LRRC1: variants seen among roughly 807,000 people sequenced by gnomAD.
LRRC1 encodes leucine rich repeat containing 1, also known as leucine-rich repeat-containing protein 1.
A neutral mutation model predicts 69.9 loss-of-function variants in LRRC1; 28 were observed. The observed-to-expected ratio is 0.40, with a 90% confidence interval of 0.30 to 0.55. The LOEUF (loss-of-function observed/expected upper bound fraction) is 0.55, where lower values mean the gene tolerates loss of function less well. Among genes scored for constraint, LRRC1 ranks in the 20% least tolerant of loss-of-function variants. LRRC1 has a pLI of 0.47. For missense variants in LRRC1, 498 were observed against 609.0 expected (o/e 0.82, Z 1.92); for synonymous variants, 236 against 240.2 (o/e 0.98, Z 0.16).
chr6:53,868,377 A>C (rs1339353516), intron 2 of LRRC1, among the ~76,000 whole-genome samples: 1 of 152,048 alleles, frequency 6.6e-6, no homozygotes. Context: ...GGCATGCACC[A>C]CGATGCCCAG....
chr6:53,892,265 A>C (rs1162497423), intron 4 of LRRC1, among the ~76,000 whole-genome samples: 6 of 152,130 alleles, frequency 3.9e-5, no homozygotes, highest in Non-Finnish European at 7.3e-5. Flanking sequence ...CTCATAAAGA[A>C]GTTATAACGA....
At chr6:53,832,945 T>C (rs1285850501) in intron 1 of LRRC1, among the ~76,000 whole-genome samples, 1 of 152,048 alleles carries the variant, frequency 6.6e-6, no homozygotes, top group East Asian at 1.9e-4. Context: ...TATTATTAAA[T>C]ATTCTCCAGA....
intron 10 of LRRC1, among the ~76,000 whole-genome samples, chr6:53,913,089 A>C (rs753127486): frequency 5.9e-5 from 9 of 152,188 alleles, no homozygotes; most frequent in Non-Finnish European, 1.0e-4. Flanking sequence ...TACAAAACTC[A>C]GTTACCTTTA....
At chr6:53,849,529 T>A (rs1420740872) in intron 2 of LRRC1, among the ~76,000 whole-genome samples, 1 of 152,198 alleles carries the variant, frequency 6.6e-6, no homozygotes, top group Non-Finnish European at 1.5e-5. Context: ...GTGCTGAGGC[T>A]CCAGGCAGCT....
chr6:53,812,712 A>AAAG lies in LRRC1; in HGVS notation c.159+17299_159+17300insGAA, dbSNP rs56163538. The stretch of plus-strand genomic sequence containing the variant: ...CTCAAAAAAAAAAAAAAAAAAAAAA[A>AAAG]AATTTGAAGAAAGAGGGGAAGGATG... On this transcript the variant is annotated intron_variant, in intron 1 of 13. Coordinates refer to ENST00000370888, the MANE Select transcript of LRRC1 (RefSeq NM_018214.5). 4.3e-4 allele frequency among the ~76,000 whole-genome samples: 60 copies of AAAG among 139,888 alleles called. 2 individuals are homozygous for AAAG. Among genetic ancestry groups the AAAG allele is most frequent in the African/African-American group, 6.3e-4 (23 of 36,800 alleles). 91.8% of individuals were successfully genotyped at this position (139,888 alleles called of 152,430 possible).
At chr6:53,859,264 T>C (rs1412788820) in intron 2 of LRRC1, among the ~76,000 whole-genome samples, 1 of 152,214 alleles carries the variant, frequency 6.6e-6, no homozygotes, top group Non-Finnish European at 1.5e-5. Flanking sequence ...TGGCCTGTTT[T>C]CCTTCACTTC....
chr6:53,896,324 G>A (rs1372846017), intron 4 of LRRC1, among the ~76,000 whole-genome samples, 174 bp from the exon 5 acceptor site: 2 of 152,094 alleles, frequency 1.3e-5, no homozygotes, highest in Non-Finnish European at 2.9e-5. Flanking sequence ...GGTAGAGATG[G>A]TATTGTTTTT....
chr6:53,871,037 G>A (rs1766866720), intron 2 of LRRC1, among the ~76,000 whole-genome samples: 1 of 152,088 alleles, frequency 6.6e-6, no homozygotes, highest in Non-Finnish European at 1.5e-5. Flanking sequence ...CCATTCATCT[G>A]TTGAGGGACA....
chr6:53,870,654 T>C (rs1288832083), intron 2 of LRRC1, among the ~76,000 whole-genome samples: 1 of 152,214 alleles, frequency 6.6e-6, no homozygotes, highest in Non-Finnish European at 1.5e-5. Context: ...GTTCAAAATC[T>C]TCTCTTTTAG....
chr6:53,806,401 A>T (rs924812560), intron 1 of LRRC1, among the ~76,000 whole-genome samples: 1 of 152,154 alleles, frequency 6.6e-6, no homozygotes, highest in African/African-American at 2.4e-5. Context: ...CACCATGAAG[A>T]ACCGGGCAGT....
intron 1 of LRRC1, among the ~76,000 whole-genome samples, chr6:53,824,118 G>A (rs1186820917): frequency 6.6e-6 from 1 of 150,640 alleles, no homozygotes; most frequent in Admixed American, 6.6e-5. Flanking sequence ...CAGCGTTTAA[G>A]TGTTCCTTTT....
intron 2 of LRRC1, among the ~76,000 whole-genome samples, chr6:53,859,099 G>A (rs980649827): frequency 3.3e-5 from 5 of 152,124 alleles, no homozygotes; most frequent in Admixed American, 1.3e-4. Flanking sequence ...ACAAAACACG[G>A]TCATATCCCT....
intron 10 of LRRC1, among the ~76,000 whole-genome samples, chr6:53,910,540 C>T (rs993241364): frequency 1.7e-4 from 26 of 152,088 alleles, no homozygotes; most frequent in African/African-American, 6.3e-4. Context: ...AGCATCAGTA[C>T]AGTTCTAAGA....
chr6:53,823,930 T>G (rs1765186016), intron 1 of LRRC1, among the ~76,000 whole-genome samples: 1 of 152,226 alleles, frequency 6.6e-6, no homozygotes, highest in African/African-American at 2.4e-5. Flanking sequence ...TTTGCTATTG[T>G]GAGTGGTGCT....
In LRRC1 at chr6:53,835,623, T is replaced by TA. The variant is rs1765592318; in HGVS notation, c.160-6486dup. On this transcript the variant is annotated intron_variant, in intron 1 of 13. Transcript: ENST00000370888. ...TTTGAATTATCTGCTTTAACCAAAC[T>TA]AGTTCTTTCAGTATTCTGTGACTAT... Among the ~76,000 whole-genome samples, 3 of 152,258 alleles carry TA rather than the reference T, an allele frequency of 2.0e-5. No homozygotes were observed. The South Asian group carries it at 6.2e-4, about 31-fold the overall frequency.
chr6:53,803,540 T>C (rs1764551691), intron 1 of LRRC1, among the ~76,000 whole-genome samples: 2 of 152,154 alleles, frequency 1.3e-5, no homozygotes, highest in Admixed American at 6.5e-5. Context: ...AATGGTAATT[T>C]ACTATTGCAT....
chr6:53,896,930 T>G, intron 6 of LRRC1, 38 bp downstream of exon 6: 1 of 1,323,188 alleles, frequency 7.6e-7, no homozygotes, highest in Middle Eastern at 1.9e-4. Flanking sequence ...AACTTTGTTT[T>G]TAGTTATGAT....
intron 4 of LRRC1, chr6:53,884,293 C>A: frequency 2.7e-6 from 1 of 372,352 alleles, no homozygotes; most frequent in Non-Finnish European, 4.9e-6. Context: ...TTCCTTGAGC[C>A]CAGGAGTTCA....
intron 1 of LRRC1, among the ~76,000 whole-genome samples, chr6:53,809,192 A>T (rs992321505): frequency 2.0e-5 from 3 of 152,258 alleles, no homozygotes; most frequent in Admixed American, 1.3e-4. Flanking sequence ...TCAAGTGATT[A>T]TGAGGAAATC....
Sources: allele counts gnomAD v4.1 joint callset (sites outside exome capture counted in the v4.1 genomes callset), GRCh38; gene constraint gnomAD v4.1.1; transcripts MANE v1.5; gene names NCBI Gene and HGNC (gene_info 2026-07-23, HGNC 2026-07-21).